Variants in ATG2A observed in about 807,000 individuals in gnomAD.
ATG2A encodes the protein autophagy related 2A.
ATG2A carries 103 observed loss-of-function variants against 214.2 expected under a neutral mutation model. That is an observed-to-expected ratio of 0.48 (90% confidence interval 0.41 to 0.57). ATG2A has a LOEUF of 0.57. Among genes scored for constraint, ATG2A ranks in the 20% least tolerant of loss-of-function variants. The probability of loss-of-function intolerance (pLI) is 0.00; values close to 1 mark genes in which losing one functional copy is unlikely to be tolerated. For missense variants in ATG2A, 2,312 were observed against 2,613.2 expected, an observed-to-expected ratio of 0.88 and a Z score of 2.51; for synonymous variants, 1,160 against 1,142.1, an observed-to-expected ratio of 1.02 and a Z score of -0.32.
rs1944435082 is a variant in ATG2A, at chr11:64,903,575, C to T, written c.3535+15G>A. 1 of 1,542,650 alleles carries T rather than the reference C, an allele frequency of 6.5e-7. No homozygotes were observed. Among genetic ancestry groups the T allele is most frequent in the East Asian group, 2.5e-5 (1 of 40,746 alleles). On this transcript the variant is annotated intron_variant, in intron 25 of 40. Coordinates refer to ENST00000377264, the MANE Select transcript of ATG2A (RefSeq NM_015104.3). The surrounding 1 kb of genome is among the most constrained non-coding windows in gnomAD (Gnocchi z 4.2). ...TCCCTCAGAGGGGAGGGAGCCCAGTCCCGGCCCTGCCCACCTCGCCGCAGG... is the reference window on the plus strand; with the variant it reads ...TCCCTCAGAGGGGAGGGAGCCCAGTTCCGGCCCTGCCCACCTCGCCGCAGG...
Position 64,913,669 on chromosome 11 carries a change from C to T in ATG2A, c.590+152G>A, listed in dbSNP as rs1169426294. The stretch of plus-strand genomic sequence containing the variant: ...GCCTCTGGACACCAGTCCGGGCTCA[C>T]GATGCAGCCCACCTCCCCAACCCTA... On this transcript the variant is annotated intron_variant, in intron 4 of 40. Coordinates refer to ENST00000377264, the MANE Select transcript of ATG2A (RefSeq NM_015104.3). The surrounding 1 kb of genome is among the most constrained non-coding windows in gnomAD (Gnocchi z 4.3). The T allele has an allele frequency of 2.3e-6, 2 of 854,528 alleles. No individual in the cohort carries two copies. Among genetic ancestry groups the T allele is most frequent in the Non-Finnish European group, 1.8e-6 (1 of 554,890 alleles). The allele number at this position is 854,528 out of a possible 1,614,324, so 52.9% of individuals were successfully genotyped here.
Position 64,894,829 on chromosome 11 carries a change from G to T in ATG2A, c.*144C>A. 1 of 1,014,130 alleles carries T rather than the reference G, an allele frequency of 9.9e-7. No individual in the cohort carries two copies. The highest frequency in any genetic ancestry group is 1.5e-6 in the Non-Finnish European group (1 of 647,598). The allele number at this position is 1,014,130 out of a possible 1,614,324, so 62.8% of individuals were successfully genotyped here. A position where few individuals can be genotyped will look rare whatever the true frequency, so the allele number is the denominator to read the frequency against. Reference sequence around the variant, plus strand: ...GCAGGGAGGCCCCCCTCTCACAGCAGATTGGCAACGGGCAGGCTGGGAAGG... The same window carrying T: ...GCAGGGAGGCCCCCCTCTCACAGCATATTGGCAACGGGCAGGCTGGGAAGG... On this transcript the variant is annotated 3_prime_UTR_variant, in exon 41 of 41. Transcript: ENST00000377264.
chr11:64,910,793 G>A lies in ATG2A; in HGVS notation c.1614+14C>T. On this transcript the variant is annotated intron_variant, in intron 11 of 40. Transcript: ENST00000377264. ...CCAGACCCCGCCTCGTACACATTCT[G>A]CCTCTGCCCTCACCTCCGTGTACTC... 6 of 1,610,706 alleles carry A rather than the reference G, an allele frequency of 3.7e-6. No individual in the cohort carries two copies. The highest frequency in any genetic ancestry group is 5.1e-6 in the Non-Finnish European group (6 of 1,178,770).
In ATG2A at chr11:64,910,098, C is replaced by T. The variant is rs1177560509; in HGVS notation, c.1805G>A (p.Arg602Gln). The T allele has an allele frequency of 9.9e-6, 16 of 1,610,266 alleles. 1 individual carries two copies. The highest frequency in any genetic ancestry group is 5.0e-5 in the Admixed American group (3 of 59,832). Reference sequence around the variant, plus strand: ...GGCCAGGCGCAGTAGGGCGGCCAGCCGGTCCAGGGCCCCCAGCTCCACGTC... The same window carrying T: ...GGCCAGGCGCAGTAGGGCGGCCAGCTGGTCCAGGGCCCCCAGCTCCACGTC... ...QADVELGALD[R>Q]LAALLRLATV... The change falls in exon 13 of 41, where the codon CGG becomes CAG. Residue 602 changes from arginine to glutamine, a missense_variant. Physicochemically the swap from Arg to Gln is conservative, Grantham distance 43 (BLOSUM62 1). Transcript: ENST00000377264.
At position 64,903,268 on chromosome 11, in the gene ATG2A, A is replaced by T; in HGVS notation, c.3612+20T>A. 6.2e-7 allele frequency: 1 copy of T among 1,611,440 alleles called. No individual in the cohort carries two copies. The highest frequency in any genetic ancestry group is 8.5e-7 in the Non-Finnish European group (1 of 1,178,010). On this transcript the variant is annotated intron_variant, in intron 26 of 40. Transcript: ENST00000377264. The surrounding 1 kb of genome is among the most constrained non-coding windows in gnomAD (Gnocchi z 4.2). The stretch of plus-strand genomic sequence containing the variant: ...TGCACCTGCTGTGGCTCCAGGAGCC[A>T]GAGTGACAGCCTCACTCACCAGTTT...
Position 64,909,143 on chromosome 11 carries a change from C to T in ATG2A, c.2212G>A (p.Val738Met), listed in dbSNP as rs761570751. ...CTGCTGGACTGGGGGTTCACAGTCA[C>T]CACTACCCTGCCGGGGCACAGGCCT... ...GRKYFLPQVV[V>M]TVNPQSSSTQ... Residue 738 changes from valine to methionine, a missense_variant, in exon 16 of 41, where the codon GTG (valine) becomes ATG (methionine). Transcript: ENST00000377264. 4.3e-6 allele frequency: 7 copies of T among 1,609,314 alleles called. No individual in the cohort carries two copies. The highest frequency in any genetic ancestry group is 4.2e-6 in the Non-Finnish European group (5 of 1,177,976).
chr11:64,913,210 GC>G lies in ATG2A; in HGVS notation c.726+55del. 6.2e-7 allele frequency: 1 copy of G among 1,611,114 alleles called. No individual in the cohort carries two copies. The highest frequency in any genetic ancestry group is 8.5e-7 in the Non-Finnish European group (1 of 1,179,272). On this transcript the variant is annotated intron_variant, in intron 5 of 40. Transcript: ENST00000377264. The surrounding 1 kb of genome is among the most constrained non-coding windows in gnomAD (Gnocchi z 4.3). ...GAGATGGTCAGAAAGGATGGGAGGGGCTCAATGGGCTCAAGGGAGAGGAGAC... is the reference window on the plus strand; with the variant it reads ...GAGATGGTCAGAAAGGATGGGAGGGGTCAATGGGCTCAAGGGAGAGGAGAC...
In ATG2A at chr11:64,910,123, C is replaced by A; in HGVS notation, c.1780G>T (p.Asp594Tyr). 6.2e-7 allele frequency: 1 copy of A among 1,611,950 alleles called. No individual in the cohort carries two copies. The highest frequency in any genetic ancestry group is 8.5e-7 in the Non-Finnish European group (1 of 1,179,624). ...LALDLANFQA[D>Y]VELGALDRLA... ...CGGTCCAGGGCCCCCAGCTCCACGT[C>A]CGCCTGGAAGTTGGCCAGGTCCAGG... The change falls in exon 13 of 41, where the codon GAC (aspartate) becomes TAC (tyrosine). Residue 594 changes from aspartate (D) to tyrosine (Y), a missense_variant. Physicochemically the swap from Asp to Tyr is radical, Grantham distance 160 (BLOSUM62 -3). Coordinates refer to ENST00000377264, the MANE Select transcript of ATG2A (RefSeq NM_015104.3).
chr11:64,913,951 C>A lies in ATG2A; in HGVS notation c.488-28G>T. 1 of 1,610,006 alleles carries A rather than the reference C, an allele frequency of 6.2e-7. No homozygotes were observed. Among genetic ancestry groups the A allele is most frequent in the South Asian group, 1.1e-5 (1 of 90,742 alleles). On this transcript the variant is annotated intron_variant, in intron 3 of 40. Coordinates refer to ENST00000377264, the MANE Select transcript of ATG2A (RefSeq NM_015104.3). The surrounding 1 kb of genome is among the most constrained non-coding windows in gnomAD (Gnocchi z 4.3). ...GAGGAGTTGGGGAGGGGTCTCAGGT[C>A]AGGTAGAGCAGCAAAGGGGAGGCAG...
chr11:64,904,966 C>T (rs140990232), intron 24 of ATG2A, among the ~76,000 whole-genome samples: 406 of 152,322 alleles, frequency 2.7e-3, no homozygotes, highest in African/African-American at 9.3e-3. Flanking sequence ...AGTGATTCTC[C>T]TGCCTCAGCC....
Position 64,909,350 on chromosome 11 carries a change from C to T in ATG2A, c.2125G>A (p.Gly709Arg). Residue 709 changes from glycine (G) to arginine (R), a missense_variant, in exon 15 of 41, where the codon GGG becomes AGG. Transcript: ENST00000377264. ...CGCAGGCAAGGGACAGGTGGCTTCC[C>T]TCCATCTTCATAGATACCTGGAGGG... ...SDLHGIYEDG[G>R]KPPVPCLRVS... 3 of 1,613,394 alleles carry T rather than the reference C, an allele frequency of 1.9e-6. No homozygotes were observed. The highest frequency in any genetic ancestry group is 2.5e-6 in the Non-Finnish European group (3 of 1,179,984).
chr11:64,906,425 C>T lies in ATG2A; in HGVS notation c.3092G>A (p.Arg1031Gln), dbSNP rs752541532. 3.8e-5 allele frequency: 62 copies of T among 1,613,110 alleles called. No individual in the cohort carries two copies. In the Admixed American group the frequency reaches 8.0e-4, roughly 21 times the overall value. Residue 1031 changes from arginine to glutamine, a missense_variant, in exon 21 of 41, where the codon CGG becomes CAG. By Grantham distance (43) the Arg-to-Gln change is conservative. Transcript: ENST00000377264. Reference sequence around the variant, plus strand: ...CTGGCCCTTGCGGCCCGAGGCTCCCCGCTCGGTCACCCCTTCCTCCGATGG... The same window carrying T: ...CTGGCCCTTGCGGCCCGAGGCTCCCTGCTCGGTCACCCCTTCCTCCGATGG... ...IYPSEEGVTE[R>Q]GASGRKGQGR...
intron 12 of ATG2A, 137 bp from the exon 13 acceptor site, chr11:64,910,332 C>T (rs1272588122): frequency 1.8e-5 from 24 of 1,310,394 alleles, no homozygotes; most frequent in Admixed American, 1.1e-4. Context: ...CACCTTTGCC[C>T]GACGCGCACA....
At position 64,906,814 on chromosome 11, in the gene ATG2A, T is replaced by A. The variant is rs2136597089; in HGVS notation, c.2834A>T (p.Asp945Val). The A allele has an allele frequency of 6.2e-7, 1 of 1,612,488 alleles. No individual in the cohort carries two copies. The highest frequency in any genetic ancestry group is 2.2e-5 in the East Asian group (1 of 44,842). Residue 945 changes from aspartate to valine, a missense_variant and splice_region_variant, in exon 20 of 41, where the codon GAT becomes GTT. Physicochemically the swap from Asp to Val is radical, Grantham distance 152 (BLOSUM62 -3). Transcript: ENST00000377264. ...GRITALCETK[D>V]EGGKRLEAVH... Reference sequence around the variant, plus strand: ...AGCCTCCAGCCGCTTCCCACCCTCATCCTGCAGAAGGAGCACACAGCCTGG... The same window carrying A: ...AGCCTCCAGCCGCTTCCCACCCTCAACCTGCAGAAGGAGCACACAGCCTGG...
At chr11:64,904,193 CCTAGATCACA>C (rs1461156586) in intron 24 of ATG2A, among the ~76,000 whole-genome samples, 5 of 151,742 alleles carry the variant, frequency 3.3e-5, no homozygotes, top group African/African-American at 1.2e-4. Flanking sequence ...TTGCAGCGAG[CCTAGATCACA>C]CCACTGCACT....
Position 64,902,251 on chromosome 11 carries a change from C to G in ATG2A, c.3904+9G>C. 6.2e-7 allele frequency: 1 copy of G among 1,613,240 alleles called. No homozygotes were observed. Among genetic ancestry groups the G allele is most frequent in the Non-Finnish European group, 8.5e-7 (1 of 1,179,994 alleles). On this transcript the variant is annotated intron_variant, in intron 28 of 40. Coordinates refer to ENST00000377264, the MANE Select transcript of ATG2A (RefSeq NM_015104.3). ...TGTGTCTGCTGTCCCCACAGCACCC[C>G]CACTTCACCTGAAGGCTGGGCCAGC...
intron 30 of ATG2A, 44 bp from the exon 31 acceptor site, chr11:64,900,673 T>G (rs191933534): frequency 6.5e-7 from 1 of 1,545,588 alleles, no homozygotes; most frequent in African/African-American, 1.4e-5. Context: ...AGGAACCCCA[T>G]TCCCTCCCCG....
intron 1 of ATG2A, among the ~76,000 whole-genome samples, chr11:64,914,945 C>T (rs1421864718): frequency 6.7e-6 from 1 of 149,914 alleles, no homozygotes; most frequent in South Asian, 2.1e-4. Flanking sequence ...CAGCCTGGGC[C>T]GTCAGAGGAG....
Position 64,895,158 on chromosome 11 carries a change from C to T in ATG2A, c.5632G>A (p.Glu1878Lys), listed in dbSNP as rs1374329372. Residue 1878 changes from glutamate to lysine, a missense_variant, in exon 41 of 41, where the codon GAG (glutamate) becomes AAG (lysine). Coordinates refer to ENST00000377264, the MANE Select transcript of ATG2A (RefSeq NM_015104.3). The surrounding 1 kb of genome is among the most constrained non-coding windows in gnomAD (Gnocchi z 5.0). ...TICDVASRGH[E>K]QKGLTGAVGG... Reference sequence around the variant, plus strand: ...ACGGCGCCCGTCAGCCCCTTCTGCTCATGGCCCCGCGATGCCACGTCACAG... The same window carrying T: ...ACGGCGCCCGTCAGCCCCTTCTGCTTATGGCCCCGCGATGCCACGTCACAG... The T allele has an allele frequency of 6.2e-7, 1 of 1,613,144 alleles. No individual in the cohort carries two copies. Among genetic ancestry groups the T allele is most frequent in the East Asian group, 2.2e-5 (1 of 44,872 alleles).
Sources: allele counts gnomAD v4.1 joint callset (sites outside exome capture counted in the v4.1 genomes callset), GRCh38; gene constraint gnomAD v4.1.1; non-coding constraint Gnocchi (gnomAD v3.1); transcripts MANE v1.5; gene names NCBI Gene and HGNC (gene_info 2026-07-23, HGNC 2026-07-21).